The following ADCY2 variants were observed in gnomAD, a reference collection of about 807,000 sequenced individuals.
The protein encoded by ADCY2 is adenylate cyclase type 2.
A neutral mutation model predicts 125.2 loss-of-function variants in ADCY2; 31 were observed. The observed-to-expected ratio is 0.25, with a 90% CI of 0.19 to 0.33. The LOEUF (loss-of-function observed/expected upper bound fraction) is 0.33, where lower values mean the gene tolerates loss of function less well. Ranked by LOEUF, ADCY2 falls within the 10% of genes least tolerant of loss-of-function variation. The pLI, the probability that ADCY2 is intolerant of heterozygous loss-of-function variation, is 1.00. For missense variants in ADCY2, 904 were observed against 1,418.2 expected (o/e 0.64, Z 5.82); for synonymous variants, 512 against 548.4 (o/e 0.93, Z 0.93).
chr5:7,698,694 G>A (rs1263509812), intron 7 of ADCY2, among the ~76,000 whole-genome samples: 3 of 152,054 alleles, frequency 2.0e-5, no homozygotes, highest in East Asian at 1.9e-4. Flanking sequence ...AGTTTCATCC[G>A]TGTCCCTGCC....
At chr5:7,440,446 T>C (rs1405012131) in intron 2 of ADCY2, among the ~76,000 whole-genome samples, 2 of 152,238 alleles carry the variant, frequency 1.3e-5, no homozygotes, top group Non-Finnish European at 2.9e-5. Context: ...TCTTTTCATT[T>C]TGCGTTTCAG....
Position 7,763,235 on chromosome 5 carries a change from C to T in ADCY2, c.2095-3452C>T, listed in dbSNP as rs557670628. ...CGTCCCGCGTAGCTGGGACTACAGG[C>T]GCCCGCCACCACGCCCGGCCAATTT... On this transcript the variant is annotated intron_variant, in intron 16 of 24. Coordinates refer to ENST00000338316, the MANE Select transcript of ADCY2 (RefSeq NM_020546.3). Among the ~76,000 whole-genome samples, 7 of 152,062 alleles carry T rather than the reference C, an allele frequency of 4.6e-5. No individual in the cohort carries two copies. The South Asian group carries it at 1.2e-3, about 27-fold the overall frequency.
chr5:7,427,565 C>A (rs1196851350), intron 2 of ADCY2, among the ~76,000 whole-genome samples: 2 of 152,162 alleles, frequency 1.3e-5, no homozygotes, highest in African/African-American at 4.8e-5. Context: ...CCTCCCACAA[C>A]ACGTAGGGAT....
intron 3 of ADCY2, among the ~76,000 whole-genome samples, chr5:7,535,877 C>T (rs1734796040): frequency 6.6e-6 from 1 of 152,140 alleles, no homozygotes; most frequent in Admixed American, 6.5e-5. Flanking sequence ...CCAAGCAGCC[C>T]CCGCGATGTT....
intron 2 of ADCY2, among the ~76,000 whole-genome samples, chr5:7,454,112 G>C (rs948595990): frequency 1.3e-5 from 2 of 152,052 alleles, no homozygotes; most frequent in African/African-American, 4.8e-5. Context: ...TTGGGTGGGG[G>C]GTGCCCTCTC....
intron 3 of ADCY2, among the ~76,000 whole-genome samples, chr5:7,586,176 A>G (rs368247715): frequency 1.3e-5 from 2 of 152,224 alleles, no homozygotes; most frequent in East Asian, 1.9e-4. Context: ...CACTATATTT[A>G]GAAAGGGAAA....
intron 2 of ADCY2, among the ~76,000 whole-genome samples, chr5:7,418,716 T>A (rs1391034347): frequency 1.5e-5 from 2 of 137,892 alleles, no homozygotes; most frequent in Non-Finnish European, 3.1e-5. Context: ...AGTGCAGTCG[T>A]GCGATCTCGG....
At chr5:7,510,065 T>C (rs182189213) in intron 2 of ADCY2, among the ~76,000 whole-genome samples, 4 of 152,340 alleles carry the variant, frequency 2.6e-5, no homozygotes, top group Admixed American at 2.0e-4. Context: ...AGAGAAGGTC[T>C]GAAAAAGGCC....
At chr5:7,722,523 T>G (rs1741792464) in intron 12 of ADCY2, among the ~76,000 whole-genome samples, 1 of 152,200 alleles carries the variant, frequency 6.6e-6, no homozygotes, top group Admixed American at 6.5e-5. Flanking sequence ...CTCATTTTAA[T>G]GTTAACCAAT....
At position 7,785,643 on chromosome 5, in the gene ADCY2, C is replaced by T. The variant is rs141470188; in HGVS notation, c.2469+1194C>T. 2.8e-4 allele frequency among the ~76,000 whole-genome samples: 43 copies of T among 152,286 alleles called. No individual in the cohort carries two copies. In the East Asian group the frequency reaches 6.0e-3, roughly 21 times the overall value. On this transcript the variant is annotated intron_variant, in intron 19 of 24. Transcript: ENST00000338316. ...CACTCATATGGCAGGCATGCTCTCC[C>T]TTGAGTACTTTATAATTTAGATGTG...
chr5:7,533,773 G>C (rs1165524344), intron 3 of ADCY2, among the ~76,000 whole-genome samples: 1 of 152,124 alleles, frequency 6.6e-6, no homozygotes, highest in Non-Finnish European at 1.5e-5. Flanking sequence ...TAGTTTTACT[G>C]CATCAAGATT....
chr5:7,758,982 C>G (rs1327092388), intron 16 of ADCY2, among the ~76,000 whole-genome samples: 1 of 152,176 alleles, frequency 6.6e-6, no homozygotes, highest in African/African-American at 2.4e-5. Context: ...TCTCAAACAC[C>G]TGCAGATTCA....
chr5:7,612,831 A>G (rs965619389), intron 3 of ADCY2, among the ~76,000 whole-genome samples: 1 of 152,130 alleles, frequency 6.6e-6, no homozygotes, highest in Non-Finnish European at 1.5e-5. Context: ...CATGGCTAAC[A>G]CGGTGAAACC....
intron 4 of ADCY2, 45 bp from the exon 5 acceptor site, chr5:7,690,646 G>T: frequency 6.9e-7 from 1 of 1,458,622 alleles, no homozygotes; most frequent in South Asian, 1.6e-5. Context: ...GTCATCCCCC[G>T]AGGTGTCTGA....
chr5:7,784,020 G>T (rs890266222), intron 18 of ADCY2, among the ~76,000 whole-genome samples: 1 of 152,120 alleles, frequency 6.6e-6, no homozygotes, highest in Non-Finnish European at 1.5e-5. Flanking sequence ...GTCTCTTTCC[G>T]AGAGTAATGA....
chr5:7,825,831 A>G (rs1425930275), intron 24 of ADCY2, among the ~76,000 whole-genome samples: 2 of 152,220 alleles, frequency 1.3e-5, no homozygotes, highest in African/African-American at 4.8e-5. Context: ...AGGAAGGCGC[A>G]GCACACGCAG....
chr5:7,676,788 A>G (rs1463615403), intron 4 of ADCY2, among the ~76,000 whole-genome samples: 3 of 152,356 alleles, frequency 2.0e-5, no homozygotes, highest in Admixed American at 6.5e-5. Context: ...GTTTCAGTCC[A>G]GCCTTGGCCA....
chr5:7,693,933 T>C (rs1035719756), intron 5 of ADCY2, among the ~76,000 whole-genome samples: 1 of 152,200 alleles, frequency 6.6e-6, no homozygotes, highest in African/African-American at 2.4e-5. Flanking sequence ...ACTCTTTCTC[T>C]GAGCGAGCAT....
chr5:7,550,479 T>G (rs1735291847), intron 3 of ADCY2, among the ~76,000 whole-genome samples: 1 of 152,212 alleles, frequency 6.6e-6, no homozygotes, highest in African/African-American at 2.4e-5. Flanking sequence ...TTGCATCATA[T>G]GAAGAAGTAC....
Sources: allele counts gnomAD v4.1 joint callset (sites outside exome capture counted in the v4.1 genomes callset), GRCh38; gene constraint gnomAD v4.1.1; transcripts MANE v1.5; gene names NCBI Gene and HGNC (gene_info 2026-07-23, HGNC 2026-07-21).